The following DENND2A variants were observed in gnomAD, a reference collection of about 807,000 sequenced individuals.
DENND2A encodes the protein DENN domain-containing protein 2A.
DENND2A carries 53 observed loss-of-function variants against 105.3 expected under a neutral mutation model. The ratio of observed to expected loss-of-function variants is 0.50; its 90% CI spans 0.40 to 0.63. DENND2A has a LOEUF of 0.63. Among genes scored for constraint, DENND2A ranks in the 30% least tolerant of loss-of-function variants. The probability of loss-of-function intolerance (pLI) is 0.00; values close to 1 mark genes in which losing one functional copy is unlikely to be tolerated. For synonymous variants in DENND2A, 522 were observed against 508.4 expected (o/e 1.03, Z -0.36); for missense variants, 1,138 against 1,279.6 (o/e 0.89, Z 1.69).
intron 14 of DENND2A, among the ~76,000 whole-genome samples, chr7:140,542,395 G>A (rs983323618): frequency 5.9e-5 from 9 of 152,030 alleles, no homozygotes; most frequent in Admixed American, 4.6e-4. Context: ...GAGGGGATTT[G>A]CTTTAACGGT....
At chr7:140,584,067 C>G (rs1000791159) in intron 5 of DENND2A, among the ~76,000 whole-genome samples, 1 of 149,424 alleles carries the variant, frequency 6.7e-6, no homozygotes, top group Non-Finnish European at 1.5e-5. Context: ...CATGGTGAAA[C>G]CCCATCTCTA....
intron 2 of DENND2A, among the ~76,000 whole-genome samples, chr7:140,605,118 G>A (rs946513972): frequency 3.9e-5 from 6 of 152,156 alleles, no homozygotes; most frequent in African/African-American, 1.2e-4. Flanking sequence ...CAAGGATGCC[G>A]CAACTGTCCT....
Position 140,555,726 on chromosome 7 carries a change from A to G in DENND2A, c.1960-13T>C. On this transcript the variant is annotated splice_polypyrimidine_tract_variant and intron_variant, in intron 11 of 19. Transcript: ENST00000496613. Reference sequence around the variant, plus strand: ...CTTTGCCTCCAGGCTTTTCGGAGAGAAACACAAGGGAATTATGAGTGTTGA... The same window carrying G: ...CTTTGCCTCCAGGCTTTTCGGAGAGGAACACAAGGGAATTATGAGTGTTGA... 7.5e-6 allele frequency: 12 copies of G among 1,591,214 alleles called. No individual in the cohort carries two copies. The highest frequency in any genetic ancestry group is 1.0e-5 in the Non-Finnish European group (12 of 1,173,566).
chr7:140,572,425 CCCCTAAAG>C (rs1798129320), intron 6 of DENND2A, among the ~76,000 whole-genome samples: 1 of 151,938 alleles, frequency 6.6e-6, no homozygotes, highest in South Asian at 2.1e-4. Flanking sequence ...GTTTCATGAC[CCCCTAAAG>C]CCCATCCATG....
In DENND2A at chr7:140,587,764, C is replaced by G; in HGVS notation, c.1012G>C (p.Glu338Gln). The change falls in exon 4 of 20, where the codon GAA becomes CAA. Residue 338 changes from glutamate to glutamine, a missense_variant. Transcript: ENST00000496613. ...SADHRKSYEFEDLLQSSSESS... is the reference protein window; with the variant it reads ...SADHRKSYEFQDLLQSSSESS... The stretch of plus-strand genomic sequence containing the variant: ...TCAGAGGAAGACTGCAGTAAATCTT[C>G]AAACTCATAGGACTTTCTGGAATGT... 1.2e-6 allele frequency: 2 copies of G among 1,601,302 alleles called. No homozygotes were observed. The highest frequency in any genetic ancestry group is 1.7e-6 in the Non-Finnish European group (2 of 1,170,710).
At chr7:140,583,807 T>A (rs918198386) in intron 5 of DENND2A, among the ~76,000 whole-genome samples, 1 of 148,144 alleles carries the variant, frequency 6.8e-6, no homozygotes, top group African/African-American at 2.6e-5. Context: ...GCGCCTGTAG[T>A]CCCAGCTACT....
chr7:140,635,502 G>A (rs889841899), intron 1 of DENND2A, among the ~76,000 whole-genome samples: 8 of 152,088 alleles, frequency 5.3e-5, no homozygotes, highest in African/African-American at 1.9e-4. Context: ...TCACAGCCAA[G>A]GTTGCGGCTC....
At chr7:140,609,534 CA>C (rs139162302) in intron 1 of DENND2A, among the ~76,000 whole-genome samples, 1 of 151,592 alleles carries the variant, frequency 6.6e-6, no homozygotes, top group Non-Finnish European at 1.5e-5. Context: ...TCAAAACAAA[CA>C]AAAAAAATTA....
rs183345383 is a variant in DENND2A at position 140,600,488 on chromosome 7, C to T, written c.995+915G>A. 2.0e-5 allele frequency among the ~76,000 whole-genome samples: 3 copies of T among 152,172 alleles called. No homozygotes were observed. The East Asian group carries it at 5.8e-4, about 29-fold the overall frequency. Reference sequence around the variant, plus strand: ...AAAGGAGCCAGAGAAGCAGGACTTCCAGGGACATGGGTGACCCAGAAGCCA... The same window carrying T: ...AAAGGAGCCAGAGAAGCAGGACTTCTAGGGACATGGGTGACCCAGAAGCCA... On this transcript the variant is annotated intron_variant, in intron 3 of 19. Transcript: ENST00000496613.
At chr7:140,610,547 T>C (rs1585751448) in intron 1 of DENND2A, among the ~76,000 whole-genome samples, 1 of 152,166 alleles carries the variant, frequency 6.6e-6, no homozygotes, top group Non-Finnish European at 1.5e-5. Flanking sequence ...TATATGTATA[T>C]AATTTTACAG....
At chr7:140,557,532 T>TACA (rs71173208) in intron 11 of DENND2A, among the ~76,000 whole-genome samples, 1 of 14,290 alleles carries the variant, frequency 7.0e-5, no homozygotes, top group Non-Finnish European at 1.4e-4. Context: ...TATATATATA[T>TACA]TTTTTTTTTT....
At chr7:140,628,726 G>T (rs997338169) in intron 1 of DENND2A, among the ~76,000 whole-genome samples, 1 of 151,760 alleles carries the variant, frequency 6.6e-6, no homozygotes, top group African/African-American at 2.4e-5. Flanking sequence ...ATTTTTAGTA[G>T]AGACGGGGTT....
At chr7:140,592,851 C>T (rs1799119374) in intron 3 of DENND2A, among the ~76,000 whole-genome samples, 1 of 152,096 alleles carries the variant, frequency 6.6e-6, no homozygotes, top group Non-Finnish European at 1.5e-5. Flanking sequence ...GACCCACCCA[C>T]CTCAGCCCCC....
At chr7:140,629,848 CTT>C (rs1173225228) in intron 1 of DENND2A, among the ~76,000 whole-genome samples, 1 of 150,008 alleles carries the variant, frequency 6.7e-6, no homozygotes, top group East Asian at 1.9e-4. Context: ...TTTTATGTTT[CTT>C]TCTCTCTCTT....
At chr7:140,560,579 G>A (rs1307767076) in intron 9 of DENND2A, among the ~76,000 whole-genome samples, 3 of 151,780 alleles carry the variant, frequency 2.0e-5, no homozygotes, top group Non-Finnish European at 4.4e-5. Flanking sequence ...ATCACTTGAG[G>A]CCAGGAATTC....
intron 4 of DENND2A, 107 bp downstream of exon 4, chr7:140,587,546 G>A (rs1798833605): frequency 2.1e-6 from 3 of 1,453,866 alleles, no homozygotes; most frequent in Non-Finnish European, 1.9e-6. Flanking sequence ...TCAAGTGTGT[G>A]TGTGTGTACA....
At chr7:140,583,988 TC>T (rs1475555945) in intron 5 of DENND2A, among the ~76,000 whole-genome samples, 1 of 138,486 alleles carries the variant, frequency 7.2e-6, no homozygotes, top group Non-Finnish European at 1.5e-5. Context: ...ACGCCTGTAA[TC>T]CTAGCACTTT....
intron 14 of DENND2A, among the ~76,000 whole-genome samples, chr7:140,539,657 T>C (rs1277832389): frequency 2.0e-5 from 3 of 152,290 alleles, no homozygotes; most frequent in Admixed American, 1.3e-4. Context: ...TAGTTACCCA[T>C]GTGACAGGGC....
intron 14 of DENND2A, among the ~76,000 whole-genome samples, chr7:140,532,396 A>C (rs1206623096): frequency 6.6e-6 from 1 of 152,248 alleles, no homozygotes; most frequent in Non-Finnish European, 1.5e-5. Flanking sequence ...GTTCATGAGA[A>C]GATCCATGGT....
Sources: allele counts gnomAD v4.1 joint callset (sites outside exome capture counted in the v4.1 genomes callset), GRCh38; gene constraint gnomAD v4.1.1; transcripts MANE v1.5; gene names NCBI Gene and HGNC (gene_info 2026-07-23, HGNC 2026-07-21).